Variants in IMMP2L observed in about 807,000 individuals in gnomAD.
IMMP2L encodes the protein inner mitochondrial membrane peptidase subunit 2.
In IMMP2L, 18 loss-of-function variants were observed where a neutral mutation model predicts 19.3. That is an observed-to-expected ratio of 0.93 (90% CI 0.64 to 1.38). The LOEUF is 1.38. IMMP2L is among the 40% of genes most tolerant of loss of function. The pLI, the probability that IMMP2L is intolerant of heterozygous loss-of-function variation, is 0.00. For missense variants in IMMP2L, 233 were observed against 218.2 expected (o/e 1.07, Z -0.43); for synonymous variants, 76 against 73.0 (o/e 1.04, Z -0.21).
intron 3 of IMMP2L, among the ~76,000 whole-genome samples, chr7:111,464,174 T>C (rs1447148739): frequency 1.3e-5 from 2 of 152,016 alleles, no homozygotes; most frequent in African/African-American, 4.8e-5. Context: ...GGCATAAAGG[T>C]AATAATATAC....
At chr7:111,086,911 T>C (rs1177568866) in intron 3 of IMMP2L, among the ~76,000 whole-genome samples, 1 of 152,210 alleles carries the variant, frequency 6.6e-6, no homozygotes, top group Non-Finnish European at 1.5e-5. Context: ...TTTTTAAAAA[T>C]AGTATTTTAT....
chr7:111,280,562 T>C (rs939574571), intron 3 of IMMP2L, among the ~76,000 whole-genome samples: 1 of 152,080 alleles, frequency 6.6e-6, no homozygotes, highest in African/African-American at 2.4e-5. Flanking sequence ...TTGGTACACA[T>C]CAAACATTTT....
chr7:111,071,445 A>C lies in IMMP2L; in HGVS notation c.240-107880T>G, dbSNP rs141908881. Among the ~76,000 whole-genome samples, 4 of 152,330 alleles carry C rather than the reference A, an allele frequency of 2.6e-5. No homozygotes were observed. In the East Asian group the frequency reaches 7.7e-4, roughly 29 times the overall value. ...AGCAAATACATGCACATGAATGTTC[A>C]TAGCCGCACTATTTATAATAGTCAG... On this transcript the variant is annotated intron_variant, in intron 3 of 5. Coordinates refer to ENST00000405709, the MANE Select transcript of IMMP2L (RefSeq NM_032549.4).
intron 3 of IMMP2L, among the ~76,000 whole-genome samples, chr7:111,017,574 T>G (rs568206786): frequency 4.1e-4 from 63 of 152,278 alleles, no homozygotes; most frequent in Middle Eastern, 3.4e-3. Context: ...TTGTCTGACA[T>G]CCTCTTCGTT....
intron 3 of IMMP2L, among the ~76,000 whole-genome samples, chr7:111,233,545 A>G (rs17539001): frequency 0.044 from 6,646 of 152,208 alleles, 222 homozygotes; most frequent in South Asian, 0.082. Flanking sequence ...AGGTTATTCA[A>G]AAACTTGACT....
rs184812449 is a variant in IMMP2L, at chr7:110,759,058, G to C, written c.409-95337C>G. Among the ~76,000 whole-genome samples the C allele has an allele frequency of 7.0e-4, 106 of 152,178 alleles. 1 individual carries two copies. Among genetic ancestry groups the C allele is most frequent in the Admixed American group, 3.9e-3 (59 of 15,254 alleles). On this transcript the variant is annotated intron_variant, in intron 5 of 5. Coordinates refer to ENST00000405709, the MANE Select transcript of IMMP2L (RefSeq NM_032549.4). ...TGTAATTTTCATTTCTGAGAAAACTGTTTTGTATAAATGCACGTTTAGTAT... is the reference window on the plus strand; with the variant it reads ...TGTAATTTTCATTTCTGAGAAAACTCTTTTGTATAAATGCACGTTTAGTAT...
intron 1 of IMMP2L, among the ~76,000 whole-genome samples, chr7:111,550,073 A>T (rs1023664763): frequency 2.0e-5 from 3 of 152,152 alleles, no homozygotes; most frequent in African/African-American, 7.2e-5. Flanking sequence ...AATAATAATT[A>T]TTCAGTATTT....
intron 5 of IMMP2L, among the ~76,000 whole-genome samples, chr7:110,816,470 T>C (rs1318835958): frequency 3.3e-5 from 5 of 151,924 alleles, no homozygotes; most frequent in East Asian, 1.9e-4. Flanking sequence ...GTTCTGTAGA[T>C]GTCTATTAGG....
intron 3 of IMMP2L, chr7:111,411,347 C>A: frequency 2.4e-6 from 1 of 420,978 alleles, no homozygotes; most frequent in Non-Finnish European, 4.7e-6. Context: ...CTAGCCAAAG[C>A]CCACAACACC....
chr7:111,404,252 C>T (rs1355206540), intron 3 of IMMP2L, among the ~76,000 whole-genome samples: 1 of 151,998 alleles, frequency 6.6e-6, no homozygotes, highest in Admixed American at 6.6e-5. Flanking sequence ...ATGGTCACCA[C>T]AAGAAGCTGA....
intron 2 of IMMP2L, among the ~76,000 whole-genome samples, chr7:111,495,104 G>T (rs1007588404): frequency 2.0e-5 from 3 of 151,916 alleles, no homozygotes; most frequent in Non-Finnish European, 4.4e-5. Flanking sequence ...CACCCGTTAT[G>T]TTTTACATTC....
chr7:111,291,129 T>G (rs1360256439), intron 3 of IMMP2L, among the ~76,000 whole-genome samples: 6 of 151,910 alleles, frequency 3.9e-5, no homozygotes, highest in Non-Finnish European at 8.8e-5. Context: ...GCTTAAGAAA[T>G]GGATATCATT....
At position 110,663,621 on chromosome 7, in the gene IMMP2L, A is replaced by C; in HGVS notation, c.509T>G (p.Val170Gly). 1 of 1,613,198 alleles carries C rather than the reference A, an allele frequency of 6.2e-7. No individual in the cohort carries two copies. Among genetic ancestry groups the C allele is most frequent in the South Asian group, 1.1e-5 (1 of 91,034 alleles). ...ESVLPPERLPVQREEE is the reference protein window; with the variant it reads ...ESVLPPERLPGQREEE ...ATGCAGTCATTCCTCTTCTCTCTGT[A>C]CTGGTAAGCGCTCTGGAGGAAGAAC... The change falls in exon 6 of 6, where the codon GTA (valine) becomes GGA (glycine). Residue 170 changes from valine (V) to glycine (G), a missense_variant. Physicochemically the swap from Val to Gly is moderately radical, Grantham distance 109. Coordinates refer to ENST00000405709, the MANE Select transcript of IMMP2L (RefSeq NM_032549.4).
In IMMP2L at chr7:110,839,019, C is replaced by T. The variant is rs557301705; in HGVS notation, c.408+47574G>A. Reference sequence around the variant, plus strand: ...ATAATAACAGCATACTTAATATCACCGCATTCTCCAGAAATCAGGGATATG... The same window carrying T: ...ATAATAACAGCATACTTAATATCACTGCATTCTCCAGAAATCAGGGATATG... On this transcript the variant is annotated intron_variant, in intron 5 of 5. Transcript: ENST00000405709. Among the ~76,000 whole-genome samples the T allele has an allele frequency of 5.9e-4, 89 of 152,004 alleles. 2 individuals carry two copies. The Middle Eastern group carries it at 0.017, about 29-fold the overall frequency.
intron 3 of IMMP2L, among the ~76,000 whole-genome samples, chr7:111,012,710 A>T (rs956893883): frequency 6.6e-6 from 1 of 152,178 alleles, no homozygotes; most frequent in Non-Finnish European, 1.5e-5. Flanking sequence ...TTATAGGATC[A>T]CAGAACAGAA....
At chr7:111,544,415 T>C (rs1009132464) in intron 1 of IMMP2L, among the ~76,000 whole-genome samples, 4 of 152,056 alleles carry the variant, frequency 2.6e-5, no homozygotes, top group African/African-American at 9.7e-5. Flanking sequence ...TAAGTATGGC[T>C]CCTACCGACT....
intron 3 of IMMP2L, among the ~76,000 whole-genome samples, chr7:110,979,644 T>C (rs1057430583): frequency 2.0e-5 from 3 of 150,488 alleles, no homozygotes; most frequent in Non-Finnish European, 4.4e-5. Context: ...GAACTTAAAG[T>C]ATAATGAAAG....
At chr7:111,294,470 C>T (rs1055432500) in intron 3 of IMMP2L, among the ~76,000 whole-genome samples, 2 of 151,832 alleles carry the variant, frequency 1.3e-5, no homozygotes, top group African/African-American at 4.8e-5. Flanking sequence ...ACATACAGAG[C>T]TATAAGTAAA....
chr7:111,190,449 T>C (rs182043607), intron 3 of IMMP2L, among the ~76,000 whole-genome samples: 23 of 152,214 alleles, frequency 1.5e-4, no homozygotes, highest in Admixed American at 1.4e-3. Flanking sequence ...TATTTTTATT[T>C]TGCATAAAAT....
Sources: gnomAD v4.1 joint callset for allele counts (sites outside exome capture counted in the v4.1 genomes callset) on GRCh38, gnomAD v4.1.1 for gene constraint, MANE v1.5 for transcripts, NCBI Gene and HGNC (gene_info 2026-07-23, HGNC 2026-07-21) for gene names.